Variants in FHIP1A observed in about 807,000 individuals in gnomAD.
FHIP1A encodes the protein FHF complex subunit HOOK-interacting protein 1A.
In FHIP1A, 61 loss-of-function variants were observed where a neutral mutation model predicts 88.6. The ratio of observed to expected loss-of-function variants is 0.69; its 90% confidence interval spans 0.56 to 0.85. The LOEUF (loss-of-function observed/expected upper bound fraction) is 0.85. Ranked by LOEUF, FHIP1A falls within the 40% of genes least tolerant of loss-of-function variation. The pLI is 0.00. For synonymous variants in FHIP1A, 478 were observed against 496.0 expected, an observed-to-expected ratio of 0.96 and a Z score of 0.48; for missense variants, 1,154 against 1,273.5, an observed-to-expected ratio of 0.91 and a Z score of 1.43.
intron 1 of FHIP1A, among the ~76,000 whole-genome samples, chr4:151,445,402 T>C (rs571779964): frequency 1.1e-3 from 173 of 152,194 alleles, no homozygotes; most frequent in African/African-American, 4.1e-3. Context: ...GTAGTAGGCA[T>C]GATTGATTAA....
intron 2 of FHIP1A, among the ~76,000 whole-genome samples, chr4:151,480,653 T>C (rs1485284819): frequency 6.6e-6 from 1 of 152,036 alleles, no homozygotes; most frequent in Admixed American, 6.6e-5. Context: ...GGTTAATAAA[T>C]GATTAATTGA....
intron 7 of FHIP1A, among the ~76,000 whole-genome samples, chr4:151,607,441 G>A (rs1430793272): frequency 6.6e-6 from 1 of 152,216 alleles, no homozygotes; most frequent in Admixed American, 6.5e-5. Flanking sequence ...TCCAGTGACA[G>A]CCAGCTATTA....
intron 1 of FHIP1A, among the ~76,000 whole-genome samples, chr4:151,453,429 C>G (rs1728864098): frequency 6.6e-6 from 1 of 152,152 alleles, no homozygotes; most frequent in African/African-American, 2.4e-5. Context: ...TTTAACCTCT[C>G]AGTGCCTTAT....
intron 2 of FHIP1A, among the ~76,000 whole-genome samples, chr4:151,482,077 A>C (rs565506084): frequency 6.6e-6 from 1 of 152,298 alleles, no homozygotes; most frequent in African/African-American, 2.4e-5. Flanking sequence ...AGAGAGGTCA[A>C]AGTTACTCAG....
chr4:151,503,822 T>C (rs754922435), intron 3 of FHIP1A, among the ~76,000 whole-genome samples: 5 of 152,212 alleles, frequency 3.3e-5, no homozygotes, highest in Non-Finnish European at 5.9e-5. Context: ...ACTTTCTCTA[T>C]AGCATAGACT....
At chr4:151,427,040 G>C (rs559881457) in intron 1 of FHIP1A, among the ~76,000 whole-genome samples, 10 of 152,020 alleles carry the variant, frequency 6.6e-5, no homozygotes, top group Non-Finnish European at 1.3e-4. Context: ...TCATGCTTCA[G>C]CATATGTGTT....
chr4:151,418,326 C>G (rs565509258), intron 1 of FHIP1A, among the ~76,000 whole-genome samples: 2 of 152,106 alleles, frequency 1.3e-5, no homozygotes, highest in African/African-American at 2.4e-5. Flanking sequence ...TTAAGTTTGA[C>G]CTCTGAATTT....
chr4:151,423,511 A>G (rs906834615), intron 1 of FHIP1A, among the ~76,000 whole-genome samples: 1 of 152,166 alleles, frequency 6.6e-6, no homozygotes, highest in African/African-American at 2.4e-5. Flanking sequence ...TCTCTGATCT[A>G]CCAATTGGTA....
rs1304040568 is a variant in FHIP1A at position 151,620,946 on chromosome 4, C to G, written c.979-8756C>G. Among the ~76,000 whole-genome samples, 3 of 150,774 alleles carry G rather than the reference C, an allele frequency of 2.0e-5. No homozygotes were observed. In the East Asian group the frequency reaches 5.8e-4, roughly 29 times the overall value. On this transcript the variant is annotated intron_variant, in intron 7 of 13. Transcript: ENST00000435205. The stretch of plus-strand genomic sequence containing the variant: ...AGCCAGGTGGTATTCATCTTGGAAA[C>G]AAATGCAGAGAGTGGAGGGAAGATC...
intron 2 of FHIP1A, among the ~76,000 whole-genome samples, chr4:151,471,804 T>C (rs1239068692): frequency 6.6e-6 from 1 of 152,182 alleles, no homozygotes; most frequent in Non-Finnish European, 1.5e-5. Flanking sequence ...AAGTCCGTTG[T>C]GTCATTCTTA....
chr4:151,662,412 C>A, intron 13 of FHIP1A, 89 bp from the exon 14 acceptor site: 1 of 1,371,688 alleles, frequency 7.3e-7, no homozygotes, highest in South Asian at 1.5e-5. Context: ...TACTCTCCAG[C>A]AACTCTGCCC....
At position 151,525,801 on chromosome 4, in the gene FHIP1A, G is replaced by A. The variant is rs541693126; in HGVS notation, c.-122-40337G>A. Among the ~76,000 whole-genome samples, 12 of 144,242 alleles carry A rather than the reference G, an allele frequency of 8.3e-5. No homozygotes were observed. In the South Asian group the frequency reaches 1.1e-3, roughly 13 times the overall value. 94.6% of individuals were successfully genotyped at this position (144,242 alleles called of 152,430 possible). On this transcript the variant is annotated intron_variant, in intron 3 of 13. Transcript: ENST00000435205. ...TATTGATCATTCTTGGGTGTTTCTC[G>A]CAGAGGGGGATTTGGCAGGGTCACA...
intron 2 of FHIP1A, among the ~76,000 whole-genome samples, chr4:151,455,118 G>A (rs1728923218): frequency 6.6e-6 from 1 of 152,164 alleles, no homozygotes; most frequent in Non-Finnish European, 1.5e-5. Flanking sequence ...AGTTCACAAT[G>A]TTAAGGACCA....
intron 1 of FHIP1A, among the ~76,000 whole-genome samples, chr4:151,415,458 G>A (rs145496279): frequency 1.3e-5 from 2 of 152,260 alleles, no homozygotes; most frequent in Admixed American, 6.5e-5. Context: ...GATTACAGGC[G>A]TGAGCCACCA....
chr4:151,438,575 G>A (rs1360722099), intron 1 of FHIP1A, among the ~76,000 whole-genome samples: 1 of 146,916 alleles, frequency 6.8e-6, no homozygotes, highest in Admixed American at 6.8e-5. Flanking sequence ...ATTTATATTA[G>A]ATTGGTGCAA....
At chr4:151,444,008 A>G (rs888838091) in intron 1 of FHIP1A, among the ~76,000 whole-genome samples, 2 of 148,406 alleles carry the variant, frequency 1.3e-5, no homozygotes, top group African/African-American at 5.2e-5. Flanking sequence ...TCCTCTCCCC[A>G]CTCTGTGATA....
intron 3 of FHIP1A, among the ~76,000 whole-genome samples, chr4:151,544,502 G>A (rs754927082): frequency 3.9e-5 from 6 of 152,114 alleles, no homozygotes; most frequent in Non-Finnish European, 7.3e-5. Context: ...TCCTTTTCCT[G>A]CTTAGAGCTT....
chr4:151,538,367 T>C (rs1732147252), intron 3 of FHIP1A, among the ~76,000 whole-genome samples: 1 of 152,246 alleles, frequency 6.6e-6, no homozygotes, highest in Admixed American at 6.5e-5. Flanking sequence ...TAACTGCTCA[T>C]AGTTGTTAAC....
At chr4:151,526,807 C>T (rs182418406) in intron 3 of FHIP1A, among the ~76,000 whole-genome samples, 218 of 146,750 alleles carry the variant, frequency 1.5e-3, no homozygotes, top group African/African-American at 5.3e-3. Context: ...ACTTCTCAGA[C>T]GGGGCGGTTG....
Sources: allele counts gnomAD v4.1 joint callset (sites outside exome capture counted in the v4.1 genomes callset), GRCh38; gene constraint gnomAD v4.1.1; transcripts MANE v1.5; gene names NCBI Gene and HGNC (gene_info 2026-07-23, HGNC 2026-07-21).